Variants in DSCAM observed in about 807,000 individuals in gnomAD.
DSCAM encodes cell adhesion molecule DSCAM.
DSCAM carries 47 observed loss-of-function variants against 217.7 expected under a neutral mutation model. The observed-to-expected ratio is 0.22, with a 90% CI of 0.17 to 0.28. The LOEUF (loss-of-function observed/expected upper bound fraction) is 0.28. Among genes scored for constraint, DSCAM ranks in the 10% least tolerant of loss-of-function variants. The pLI is 1.00. For synonymous variants in DSCAM, 1,056 were observed against 1,015.3 expected, an observed-to-expected ratio of 1.04 and a Z score of -0.76; for missense variants, 2,080 against 2,618.3, an observed-to-expected ratio of 0.79 and a Z score of 4.49.
At chr21:40,536,442 C>T (rs2076497700) in intron 3 of DSCAM, among the ~76,000 whole-genome samples, 1 of 150,782 alleles carries the variant, frequency 6.6e-6, no homozygotes. Flanking sequence ...CGCTGTGTCC[C>T]CCAGGCTGGA....
chr21:40,479,248 T>C (rs960874126), intron 3 of DSCAM, among the ~76,000 whole-genome samples: 6 of 152,182 alleles, frequency 3.9e-5, no homozygotes, highest in Non-Finnish European at 7.3e-5. Flanking sequence ...CTCAGGTCCA[T>C]TGGACATGAA....
At chr21:40,792,869 A>G (rs2123470763) in intron 1 of DSCAM, among the ~76,000 whole-genome samples, 1 of 152,204 alleles carries the variant, frequency 6.6e-6, no homozygotes, top group East Asian at 1.9e-4. Context: ...CTGGACTGGC[A>G]TTTGTGGCCC....
intron 3 of DSCAM, among the ~76,000 whole-genome samples, chr21:40,645,195 G>C (rs200585148): frequency 1.4e-4 from 21 of 152,196 alleles, no homozygotes; most frequent in African/African-American, 5.1e-4. Flanking sequence ...GTGGTTGTTT[G>C]ATGTCCTGAA....
At chr21:40,585,802 G>A (rs1478498971) in intron 3 of DSCAM, among the ~76,000 whole-genome samples, 2 of 152,112 alleles carry the variant, frequency 1.3e-5, no homozygotes. Flanking sequence ...TCCCATGAGA[G>A]TGCCCCTGAG....
chr21:40,392,949 G>A (rs1203312261), intron 3 of DSCAM, among the ~76,000 whole-genome samples: 4 of 152,032 alleles, frequency 2.6e-5, no homozygotes, highest in Non-Finnish European at 5.9e-5. Context: ...CCCAAATCAA[G>A]TACTAAAAAG....
chr21:40,365,256 G>A (rs938317547), intron 4 of DSCAM, among the ~76,000 whole-genome samples: 6 of 152,226 alleles, frequency 3.9e-5, no homozygotes, highest in Non-Finnish European at 5.9e-5. Flanking sequence ...TCAACTGCCA[G>A]TATGGCTAGG....
At chr21:40,782,602 C>G (rs1365168053) in intron 1 of DSCAM, among the ~76,000 whole-genome samples, 1 of 152,110 alleles carries the variant, frequency 6.6e-6, no homozygotes, top group Non-Finnish European at 1.5e-5. Flanking sequence ...TGGTGGCATG[C>G]ACCTGTAGAC....
chr21:40,133,723 G>GTCT, intron 19 of DSCAM, 131 bp downstream of exon 19: 1 of 1,055,650 alleles, frequency 9.5e-7, no homozygotes, highest in Non-Finnish European at 1.3e-6. Context: ...AATTGCACTG[G>GTCT]GATATTTTGG....
At chr21:40,584,175 G>C (rs1251387789) in intron 3 of DSCAM, among the ~76,000 whole-genome samples, 1 of 152,158 alleles carries the variant, frequency 6.6e-6, no homozygotes, top group African/African-American at 2.4e-5. Context: ...CCATGAACTT[G>C]CCTGTTGGGG....
intron 14 of DSCAM, among the ~76,000 whole-genome samples, chr21:40,183,137 A>C (rs2146815916): frequency 6.7e-6 from 1 of 149,048 alleles, no homozygotes; most frequent in Non-Finnish European, 1.5e-5. Flanking sequence ...AGAGGCAACA[A>C]GAGAACCTGC....
intron 3 of DSCAM, among the ~76,000 whole-genome samples, chr21:40,373,203 G>T (rs151052767): frequency 6.6e-6 from 1 of 152,180 alleles, no homozygotes; most frequent in East Asian, 1.9e-4. Flanking sequence ...GGTTGTTAAT[G>T]CTGAAAGTCA....
rs552093426 is a variant in DSCAM at position 40,683,347 on chromosome 21, C to T, written c.508+9463G>A. 4.6e-5 allele frequency among the ~76,000 whole-genome samples: 7 copies of T among 151,596 alleles called. No individual in the cohort carries two copies. In the South Asian group the frequency reaches 1.5e-3, roughly 32 times the overall value. On this transcript the variant is annotated intron_variant, in intron 3 of 32. Transcript: ENST00000400454. ...TTCAGTAGATTGTAACAGGCAAAGC[C>T]CAAAATACTCACTACTATAAACTAT... is the stretch of plus-strand genomic sequence containing the variant.
chr21:40,361,038 T>A (rs1351193238), intron 4 of DSCAM, among the ~76,000 whole-genome samples: 1 of 152,150 alleles, frequency 6.6e-6, no homozygotes, highest in Non-Finnish European at 1.5e-5. Flanking sequence ...GTGGGGATAT[T>A]TGGTCATATA....
Position 40,796,116 on chromosome 21 carries a change from T to C in DSCAM, c.43+50503A>G, listed in dbSNP as rs191239611. ...TACTAAGTCACAATGGAAAAGTGTGTTCTTGTCCCAACTCTTCACTCCCTT... is the reference window on the plus strand; with the variant it reads ...TACTAAGTCACAATGGAAAAGTGTGCTCTTGTCCCAACTCTTCACTCCCTT... On this transcript the variant is annotated intron_variant, in intron 1 of 32. Coordinates refer to ENST00000400454, the MANE Select transcript of DSCAM (RefSeq NM_001389.5). Among the ~76,000 whole-genome samples the C allele has an allele frequency of 1.8e-3, 267 of 152,344 alleles. 6 individuals carry two copies. The South Asian group carries it at 0.024, about 14-fold the overall frequency.
At chr21:40,189,835 CTCTT>C (rs1259975443) in intron 11 of DSCAM, among the ~76,000 whole-genome samples, 1 of 152,158 alleles carries the variant, frequency 6.6e-6, no homozygotes, top group Non-Finnish European at 1.5e-5. Context: ...TCCATTAAAC[CTCTT>C]TCTTTTGTAA....
chr21:40,569,747 A>G (rs976114078), intron 3 of DSCAM, among the ~76,000 whole-genome samples: 6 of 152,216 alleles, frequency 3.9e-5, no homozygotes, highest in African/African-American at 1.4e-4. Flanking sequence ...AGGAGCTTCA[A>G]TTATGAATAA....
At position 40,493,869 on chromosome 21, in the gene DSCAM, A is replaced by G. The variant is rs1449948988; in HGVS notation, c.509-124624T>C. On this transcript the variant is annotated intron_variant, in intron 3 of 32. Coordinates refer to ENST00000400454, the MANE Select transcript of DSCAM (RefSeq NM_001389.5). Reference sequence around the variant, plus strand: ...CAAGAGCAAAACTCCATCTCAAAAAAAAAAAAAAAAATATATACATATATA... The same window carrying G: ...CAAGAGCAAAACTCCATCTCAAAAAGAAAAAAAAAAATATATACATATATA... 3.2e-4 allele frequency among the ~76,000 whole-genome samples: 36 copies of G among 112,296 alleles called. No individual in the cohort carries two copies. The East Asian group carries it at 9.1e-3, about 28-fold the overall frequency. 73.7% of individuals were successfully genotyped at this position (112,296 alleles called of 152,430 possible). A position where few individuals can be genotyped will look rare whatever the true frequency, so the allele number is the denominator to read the frequency against.
intron 4 of DSCAM, among the ~76,000 whole-genome samples, chr21:40,355,580 C>T (rs932098375): frequency 2.0e-5 from 3 of 152,220 alleles, no homozygotes; most frequent in Non-Finnish European, 4.4e-5. Context: ...TCAGTGTTCT[C>T]ACCCTGCTCT....
intron 11 of DSCAM, among the ~76,000 whole-genome samples, chr21:40,251,758 G>A (rs1051516098): frequency 2.0e-5 from 3 of 152,138 alleles, no homozygotes; most frequent in Non-Finnish European, 2.9e-5. Context: ...CAAAGATAGT[G>A]GGACATCATT....
Sources: allele counts gnomAD v4.1 joint callset (sites outside exome capture counted in the v4.1 genomes callset), GRCh38; gene constraint gnomAD v4.1.1; transcripts MANE v1.5; gene names NCBI Gene and HGNC (gene_info 2026-07-23, HGNC 2026-07-21).